The following ZNF292 variants were observed in gnomAD, a reference collection of about 807,000 sequenced individuals.
ZNF292 encodes the protein 16 zinc-finger domain protein.
In ZNF292, 26 loss-of-function variants were observed where a neutral mutation model predicts 217.9. That is an observed-to-expected ratio of 0.12 (90% CI 0.09 to 0.17). The LOEUF is 0.17. Ranked by LOEUF, ZNF292 falls within the 10% of genes least tolerant of loss-of-function variation. ZNF292 has a pLI of 1.00. For synonymous variants in ZNF292, 1,257 were observed against 1,124.1 expected (o/e 1.12, Z -2.37); for missense variants, 2,904 against 3,175.2 (o/e 0.91, Z 2.05).
intron 1 of ZNF292, among the ~76,000 whole-genome samples, chr6:87,201,578 T>C (rs1446562816): frequency 6.6e-6 from 1 of 152,044 alleles, no homozygotes; most frequent in Admixed American, 6.5e-5. Context: ...CTAGTTTTTG[T>C]ATTTTAGTAG....
Position 87,258,207 on chromosome 6 carries a change from G to A in ZNF292, c.4578G>A (p.Thr1526=), listed in dbSNP as rs377165085. Residue 1526 remains threonine, a synonymous_variant, in exon 8 of 8, where the codon ACG becomes ACA. Coordinates refer to ENST00000369577, the MANE Select transcript of ZNF292 (RefSeq NM_015021.3). The part of the protein sequence containing the change: ...CVSDASQVNA[T]VMPNPTVPPL... ...CTGATGCATCACAAGTAAATGCAAC[G>A]GTGATGCCAAATCCAACTGTACCAC... 2.0e-4 allele frequency: 325 copies of A among 1,611,644 alleles called. No homozygotes were observed. Among genetic ancestry groups the A allele is most frequent in the Non-Finnish European group, 2.5e-4 (289 of 1,179,028 alleles).
At chr6:87,175,527 C>A (rs1180231561) in intron 1 of ZNF292, among the ~76,000 whole-genome samples, 2 of 152,086 alleles carry the variant, frequency 1.3e-5, no homozygotes, top group Non-Finnish European at 2.9e-5. Context: ...TTTGTAGAGA[C>A]AGTGTCTCAC....
intron 7 of ZNF292, among the ~76,000 whole-genome samples, chr6:87,252,624 T>A (rs971631079): frequency 1.3e-5 from 2 of 152,216 alleles, no homozygotes; most frequent in Non-Finnish European, 2.9e-5. Flanking sequence ...CCTTAATTCC[T>A]CCCAGACTTC....
intron 1 of ZNF292, among the ~76,000 whole-genome samples, chr6:87,156,451 G>A (rs777636330): frequency 5.3e-5 from 8 of 152,236 alleles, no homozygotes; most frequent in Non-Finnish European, 1.2e-4. Context: ...TCTCCTTAGT[G>A]TAGAGGAGCT....
chr6:87,175,777 A>T (rs1487841208), intron 1 of ZNF292, among the ~76,000 whole-genome samples: 1 of 152,254 alleles, frequency 6.6e-6, no homozygotes, highest in African/African-American at 2.4e-5. Context: ...TTAAGAAATC[A>T]TAAACTTTCA....
At chr6:87,200,527 T>C (rs906413629) in intron 1 of ZNF292, among the ~76,000 whole-genome samples, 5 of 152,234 alleles carry the variant, frequency 3.3e-5, no homozygotes, top group African/African-American at 4.8e-5. Flanking sequence ...GCATCAAACA[T>C]GCTCGTGTTT....
At chr6:87,165,757 CTTTTTTTT>C (rs71014998) in intron 1 of ZNF292, among the ~76,000 whole-genome samples, 2 of 131,274 alleles carry the variant, frequency 1.5e-5, no homozygotes, top group African/African-American at 5.7e-5. Context: ...GTTTACATTT[CTTTTTTTT>C]TTTTTTTTTT....
Position 87,188,210 on chromosome 6 carries a change from G to A in ZNF292, c.169-27693G>A, listed in dbSNP as rs573440442. ...TGAGTTTTGATTCTTTAATTCTACC[G>A]TGGTCTCTGTGCTTTCATCATTATT... On this transcript the variant is annotated intron_variant, in intron 1 of 7. Transcript: ENST00000369577. Among the ~76,000 whole-genome samples, 4 of 152,086 alleles carry A rather than the reference G, an allele frequency of 2.6e-5. No homozygotes were observed. In the East Asian group the frequency reaches 5.8e-4, roughly 22 times the overall value.
chr6:87,257,056 A>G lies in ZNF292; in HGVS notation c.3427A>G (p.Asn1143Asp). 1 of 1,613,888 alleles carries G rather than the reference A, an allele frequency of 6.2e-7. No individual in the cohort carries two copies. Among genetic ancestry groups the G allele is most frequent in the East Asian group, 2.2e-5 (1 of 44,878 alleles). Residue 1143 changes from asparagine to aspartate, a missense_variant, in exon 8 of 8, where the codon AAC becomes GAC. By Grantham distance (23) the Asn-to-Asp change is conservative (BLOSUM62 1). This residue lies in a region of ZNF292 where 687 missense variants were observed against 623.0 expected (regional missense o/e 1.10). Transcript: ENST00000369577. ...QRKSKKGQKA[N>D]NLNTPNNGKF... Reference sequence around the variant, plus strand: ...CAAAAGTAAAAAAGGTCAGAAAGCTAACAACTTAAATACACCAAATAATGG... The same window carrying G: ...CAAAAGTAAAAAAGGTCAGAAAGCTGACAACTTAAATACACCAAATAATGG...
At chr6:87,167,636 A>G (rs1770959188) in intron 1 of ZNF292, among the ~76,000 whole-genome samples, 1 of 152,170 alleles carries the variant, frequency 6.6e-6, no homozygotes, top group Admixed American at 6.5e-5. Flanking sequence ...AATGAAACGA[A>G]ACGCTGTCTT....
At chr6:87,247,199 A>C (rs1269434737) in intron 7 of ZNF292, among the ~76,000 whole-genome samples, 1 of 149,312 alleles carries the variant, frequency 6.7e-6, no homozygotes, top group Non-Finnish European at 1.5e-5. Flanking sequence ...ATCTTGGGCC[A>C]GCTCTTCTTG....
intron 4 of ZNF292, among the ~76,000 whole-genome samples, chr6:87,227,013 A>AATCTG (rs888614416): frequency 1.3e-5 from 2 of 152,244 alleles, no homozygotes; most frequent in Admixed American, 6.5e-5. Context: ...TACATGGAAA[A>AATCTG]ATCTGTCAGA....
chr6:87,216,385 T>A lies in ZNF292; in HGVS notation c.402+8T>A. On this transcript the variant is annotated splice_region_variant and intron_variant, in intron 3 of 7. Coordinates refer to ENST00000369577, the MANE Select transcript of ZNF292 (RefSeq NM_015021.3). ...TTTCAGACACTGGTGCAGGTGAGAATCTTTATCTTTAGATTTAATACAGGT... is the reference window on the plus strand; with the variant it reads ...TTTCAGACACTGGTGCAGGTGAGAAACTTTATCTTTAGATTTAATACAGGT... 6.4e-7 allele frequency: 1 copy of A among 1,559,276 alleles called. No individual in the cohort carries two copies. Among genetic ancestry groups the A allele is most frequent in the Non-Finnish European group, 8.7e-7 (1 of 1,147,168 alleles).
intron 1 of ZNF292, among the ~76,000 whole-genome samples, chr6:87,190,556 C>T (rs1291173885): frequency 1.3e-5 from 2 of 152,116 alleles, no homozygotes; most frequent in Non-Finnish European, 2.9e-5. Flanking sequence ...TCACTGCAAC[C>T]TCTGCCTCCC....
chr6:87,247,938 T>C (rs940062885), intron 7 of ZNF292, among the ~76,000 whole-genome samples: 1 of 152,186 alleles, frequency 6.6e-6, no homozygotes, highest in African/African-American at 2.4e-5. Flanking sequence ...ATTATACAGA[T>C]TAGACACAAC....
At chr6:87,200,437 C>G (rs1264657015) in intron 1 of ZNF292, among the ~76,000 whole-genome samples, 3 of 151,992 alleles carry the variant, frequency 2.0e-5, no homozygotes, top group Non-Finnish European at 1.5e-5. Flanking sequence ...TAAAAACATT[C>G]CCTTTCTATG....
chr6:87,261,272 A>G lies in ZNF292; in HGVS notation c.7643A>G (p.Glu2548Gly), dbSNP rs763400018. 2 of 1,611,338 alleles carry G rather than the reference A, an allele frequency of 1.2e-6. No homozygotes were observed. Among genetic ancestry groups the G allele is most frequent in the Admixed American group, 3.4e-5 (2 of 59,348 alleles). ...TCACAAAATAAAAAAAGGAAAGTTG[A>G]AAAAGCTGAACCAGCATCAGCAGCT... ...NVSQNKKRKV[E>G]KAEPASAAEL... is the part of the protein sequence containing the mutation. The change falls in exon 8 of 8, where the codon GAA (glutamate) becomes GGA (glycine). Residue 2548 changes from glutamate to glycine, a missense_variant. Transcript: ENST00000369577.
chr6:87,251,564 T>A (rs1175014292), intron 7 of ZNF292, among the ~76,000 whole-genome samples: 1 of 152,244 alleles, frequency 6.6e-6, no homozygotes, highest in Non-Finnish European at 1.5e-5. Context: ...TCTGTTCCTG[T>A]GACTCATCAA....
rs375905014 is a variant in ZNF292 at position 87,218,464 on chromosome 6, A to G, written c.403-132A>G. 5.5e-6 allele frequency: 3 copies of G among 542,174 alleles called. No individual in the cohort carries two copies. In the East Asian group the frequency reaches 9.8e-5, roughly 18 times the overall value. 33.6% of individuals were successfully genotyped at this position (542,174 alleles called of 1,614,324 possible). ...CATCTTTAAATATTAGAAGGAATTG[A>G]GTACTTTGTAATGTGATGTGAAATT... is the stretch of plus-strand genomic sequence containing the variant. On this transcript the variant is annotated intron_variant, in intron 3 of 7. Coordinates refer to ENST00000369577, the MANE Select transcript of ZNF292 (RefSeq NM_015021.3).
Sources: gnomAD v4.1 joint callset for allele counts (sites outside exome capture counted in the v4.1 genomes callset) on GRCh38, gnomAD v4.1.1 for gene constraint, gnomAD v4.1.1 regional missense constraint, MANE v1.5 for transcripts, NCBI Gene and HGNC (gene_info 2026-07-23, HGNC 2026-07-21) for gene names.